The following CRYBG3 variants were observed in gnomAD, a reference collection of about 807,000 sequenced individuals.
The protein encoded by CRYBG3 is crystallin beta-gamma domain containing 3, also known as very large A-kinase anchor protein.
A neutral mutation model predicts 244.2 loss-of-function variants in CRYBG3; 127 were observed. The ratio of observed to expected loss-of-function variants is 0.52; its 90% confidence interval spans 0.45 to 0.60. CRYBG3 has a LOEUF of 0.60. Ranked by LOEUF, CRYBG3 falls within the 20% of genes least tolerant of loss-of-function variation. The probability of loss-of-function intolerance (pLI) is 0.00; values close to 1 mark genes in which losing one functional copy is unlikely to be tolerated. For missense variants in CRYBG3, 3,325 were observed against 3,442.5 expected (o/e 0.97, Z 0.85); for synonymous variants, 1,132 against 1,195.8 (o/e 0.95, Z 1.10).
chr3:97,905,167 A>G (rs1436537567), intron 15 of CRYBG3, among the ~76,000 whole-genome samples: 1 of 151,986 alleles, frequency 6.6e-6, no homozygotes, highest in Non-Finnish European at 1.5e-5. Flanking sequence ...GGTTGGTTCC[A>G]AGTCTTTGCT....
At chr3:97,826,322 A>G (rs776803341) in intron 1 of CRYBG3, among the ~76,000 whole-genome samples, 2 of 152,228 alleles carry the variant, frequency 1.3e-5, no homozygotes. Flanking sequence ...TGAAAGTGTT[A>G]AAGTTGCAAA....
chr3:97,921,049 G>T (rs1419510298), intron 17 of CRYBG3, among the ~76,000 whole-genome samples: 2 of 151,634 alleles, frequency 1.3e-5, no homozygotes, highest in Non-Finnish European at 2.9e-5. Flanking sequence ...CAATATTATT[G>T]CTCAATCATT....
chr3:97,921,789 T>A (rs1471795953), intron 17 of CRYBG3, among the ~76,000 whole-genome samples: 2 of 152,182 alleles, frequency 1.3e-5, no homozygotes, highest in African/African-American at 2.4e-5. Context: ...GACTATTGCA[T>A]AAAACATTTA....
At chr3:97,831,553 A>G (rs1364787137) in intron 1 of CRYBG3, among the ~76,000 whole-genome samples, 1 of 152,070 alleles carries the variant, frequency 6.6e-6, no homozygotes, top group Non-Finnish European at 1.5e-5. Context: ...GTTTTTATCT[A>G]TTCTTTTTTG....
Position 97,876,283 on chromosome 3 carries a change from G to A in CRYBG3, c.5089G>A (p.Gly1697Ser), listed in dbSNP as rs576573132. ...AGAAGTGGAAAATATCCACCAAAAA[G>A]GTGGTGAAGGGATTAGTGAAAAGGC... ...LSEVENIHQKGGEGISEKAEV... is the reference protein window; with the variant it reads ...LSEVENIHQKSGEGISEKAEV... Residue 1697 changes from glycine to serine, a missense_variant, in exon 4 of 22, where the codon GGT (glycine) becomes AGT (serine). Gly to Ser is a moderately conservative substitution (Grantham distance 56). Coordinates refer to ENST00000389622, the MANE Select transcript of CRYBG3 (RefSeq NM_153605.4). The A allele has an allele frequency of 8.1e-7, 1 of 1,231,974 alleles. No homozygotes were observed. The highest frequency in any genetic ancestry group is 4.2e-5 in the Admixed American group (1 of 23,704). The allele number at this position is 1,231,974 out of a possible 1,614,324, so 76.3% of individuals were successfully genotyped here.
At position 97,892,972 on chromosome 3, in the gene CRYBG3, C is replaced by A; in HGVS notation, c.7553C>A (p.Ser2518Ter). ...KNNGDFHRIG[S>*]IRVIGGVWVA... Reference sequence around the variant, plus strand: ...AATGGAGATTTTCACAGAATTGGATCAATTCGTGTCATTGGTGGAGTGTGA... The same window carrying A: ...AATGGAGATTTTCACAGAATTGGATAAATTCGTGTCATTGGTGGAGTGTGA... The change falls in exon 11 of 22, where the codon TCA (serine) becomes TAA (stop). Residue 2518 changes from serine to a stop codon, truncating the protein, a stop_gained. Transcript: ENST00000389622. LOFTEE classifies it high-confidence loss of function. The A allele has an allele frequency of 6.3e-7, 1 of 1,598,196 alleles. No homozygotes were observed. The highest frequency in any genetic ancestry group is 1.1e-5 in the South Asian group (1 of 87,196).
intron 1 of CRYBG3, among the ~76,000 whole-genome samples, chr3:97,842,661 A>G (rs375338551): frequency 1.3e-5 from 2 of 152,310 alleles, no homozygotes; most frequent in Non-Finnish European, 2.9e-5. Context: ...AGAAGTAACT[A>G]TTTGGGAAAT....
At position 97,910,087 on chromosome 3, in the gene CRYBG3, A is replaced by T. The variant is rs192747106; in HGVS notation, c.8005-2080A>T. 2.3e-3 allele frequency among the ~76,000 whole-genome samples: 341 copies of T among 149,522 alleles called. 1 individual carries two copies. Among genetic ancestry groups the T allele is most frequent in the African/African-American group, 8.2e-3 (320 of 39,022 alleles). Reference sequence around the variant, plus strand: ...GGGTCAGGGGTCAGGGACCCACTTGAGGAGGCAGTCTGCCCGTTCTCAGAT... The same window carrying T: ...GGGTCAGGGGTCAGGGACCCACTTGTGGAGGCAGTCTGCCCGTTCTCAGAT... On this transcript the variant is annotated intron_variant, in intron 15 of 21. Coordinates refer to ENST00000389622, the MANE Select transcript of CRYBG3 (RefSeq NM_153605.4).
At position 97,874,178 on chromosome 3, in the gene CRYBG3, C is replaced by G. The variant is rs1281300371; in HGVS notation, c.2984C>G (p.Pro995Arg). 2.6e-6 allele frequency: 4 copies of G among 1,529,952 alleles called. No individual in the cohort carries two copies. The highest frequency in any genetic ancestry group is 2.4e-5 in the South Asian group (2 of 82,188). The allele number at this position is 1,529,952 out of a possible 1,614,324, so 94.8% of individuals were successfully genotyped here. ...GAACTCAGCTTAACTAATATTTCCC[C>G]TAAATTCCAAGAAACTGGCAGCATG... ...MAELSLTNISPKFQETGSMKV... is the reference protein window; with the variant it reads ...MAELSLTNISRKFQETGSMKV... Residue 995 changes from proline to arginine, a missense_variant, in exon 4 of 22, where the codon CCT becomes CGT. Physicochemically the swap from Pro to Arg is moderately radical, Grantham distance 103. Coordinates refer to ENST00000389622, the MANE Select transcript of CRYBG3 (RefSeq NM_153605.4).
intron 18 of CRYBG3, among the ~76,000 whole-genome samples, chr3:97,936,128 TAG>T (rs1367229571): frequency 6.6e-6 from 1 of 152,096 alleles, no homozygotes; most frequent in Non-Finnish European, 1.5e-5. Flanking sequence ...GTTGCTATGG[TAG>T]TGCAAGAGCA....
intron 16 of CRYBG3, among the ~76,000 whole-genome samples, chr3:97,912,950 G>A (rs1380844491): frequency 6.6e-6 from 1 of 152,004 alleles, no homozygotes; most frequent in East Asian, 1.9e-4. Context: ...GCATCTCTAT[G>A]TATCAAACAT....
intron 8 of CRYBG3, among the ~76,000 whole-genome samples, chr3:97,888,070 A>G (rs1029244990): frequency 3.3e-5 from 5 of 152,228 alleles, no homozygotes; most frequent in Non-Finnish European, 5.9e-5. Flanking sequence ...TGTTTTAGGT[A>G]TCAGAAAAAT....
At chr3:97,865,446 G>T (rs1054185346) in intron 3 of CRYBG3, among the ~76,000 whole-genome samples, 3 of 152,076 alleles carry the variant, frequency 2.0e-5, no homozygotes, top group African/African-American at 7.2e-5. Flanking sequence ...TAGTTTCCAG[G>T]TGTCTTCATG....
chr3:97,928,886 C>T (rs373922999), intron 17 of CRYBG3, among the ~76,000 whole-genome samples: 2 of 151,964 alleles, frequency 1.3e-5, no homozygotes, highest in Middle Eastern at 3.4e-3. Flanking sequence ...ACATATATAT[C>T]TATGGATGGA....
intron 6 of CRYBG3, among the ~76,000 whole-genome samples, chr3:97,880,771 T>C (rs758840920): frequency 6.6e-5 from 10 of 152,224 alleles, no homozygotes; most frequent in Non-Finnish European, 1.5e-4. Context: ...TGCAACTGTA[T>C]AGTTTCGTAT....
intron 17 of CRYBG3, among the ~76,000 whole-genome samples, chr3:97,918,095 G>A (rs963453811): frequency 1.3e-5 from 2 of 152,168 alleles, no homozygotes; most frequent in African/African-American, 2.4e-5. Context: ...TTGACATTAT[G>A]TAAGTATGAG....
At chr3:97,830,571 T>C (rs4857066) in intron 1 of CRYBG3, among the ~76,000 whole-genome samples, 69,906 of 151,984 alleles carry the variant, frequency 0.46, 16,884 homozygotes, top group East Asian at 0.67. Flanking sequence ...TTTTTCTACT[T>C]TAGTAAATGA....
chr3:97,931,676 A>G (rs1202997299), intron 17 of CRYBG3, among the ~76,000 whole-genome samples: 4 of 152,058 alleles, frequency 2.6e-5, no homozygotes, highest in Non-Finnish European at 1.5e-5. Context: ...TTCTTTATAT[A>G]TAACCGATTA....
At chr3:97,928,943 T>G (rs1403970719) in intron 17 of CRYBG3, among the ~76,000 whole-genome samples, 2 of 152,080 alleles carry the variant, frequency 1.3e-5, no homozygotes, top group Non-Finnish European at 2.9e-5. Flanking sequence ...CAGCACATAT[T>G]AAGTGCTATA....
Sources: allele counts gnomAD v4.1 joint callset (sites outside exome capture counted in the v4.1 genomes callset), GRCh38; gene constraint gnomAD v4.1.1; transcripts MANE v1.5; gene names NCBI Gene and HGNC (gene_info 2026-07-23, HGNC 2026-07-21).